Variants in ERI3 observed in about 807,000 individuals in gnomAD.
ERI3 encodes ERI1 exoribonuclease family member 3, also known as ERI1 exoribonuclease 3.
In ERI3, 18 loss-of-function variants were observed where a neutral mutation model predicts 44.4. The observed-to-expected ratio is 0.41, with a 90% CI of 0.28 to 0.60. ERI3 has a LOEUF of 0.60. Among genes scored for constraint, ERI3 ranks in the 20% least tolerant of loss-of-function variants. The pLI is 0.36. For missense variants in ERI3, 294 were observed against 435.5 expected, an observed-to-expected ratio of 0.68 and a Z score of 2.89; for synonymous variants, 183 against 164.8, an observed-to-expected ratio of 1.11 and a Z score of -0.84.
intron 6 of ERI3, among the ~76,000 whole-genome samples, chr1:44,306,369 G>A (rs1207751174): frequency 6.6e-6 from 1 of 152,208 alleles, no homozygotes; most frequent in Non-Finnish European, 1.5e-5. Flanking sequence ...ATAAAAGAAA[G>A]ACAATACCAC....
chr1:44,228,606 G>A lies in ERI3; in HGVS notation c.932-6966C>T, dbSNP rs530240197. On this transcript the variant is annotated intron_variant, in intron 8 of 8. Transcript: ENST00000372257. This position sits in a 1 kb window ranked among gnomAD's most constrained non-coding sequence, Gnocchi z 4.3. The stretch of plus-strand genomic sequence containing the variant: ...AAATTAAGGCAATCAAACACTTACC[G>A]CCGCTCCTGGAGGCCAGGCATGGAA... Among the ~76,000 whole-genome samples the A allele has an allele frequency of 9.2e-5, 14 of 152,282 alleles. No individual in the cohort carries two copies. The East Asian group carries it at 1.5e-3, about 17-fold the overall frequency.
At chr1:44,236,254 A>G (rs182247126) in intron 8 of ERI3, among the ~76,000 whole-genome samples, 1 of 152,286 alleles carries the variant, frequency 6.6e-6, no homozygotes, top group Non-Finnish European at 1.5e-5. Context: ...CATTTTATTT[A>G]CTATCTGCCT....
chr1:44,275,675 T>C (rs1188081311), intron 7 of ERI3, among the ~76,000 whole-genome samples: 2 of 152,130 alleles, frequency 1.3e-5, no homozygotes, highest in African/African-American at 4.8e-5. Flanking sequence ...CAAGGCATAG[T>C]GTACGGATGG....
rs907173887 is a variant in ERI3 at position 44,355,216 on chromosome 1, A to G, written c.-190T>C. On this transcript the variant is annotated 5_prime_UTR_variant, in exon 1 of 9. Transcript: ENST00000372257. ...CCCACCGCCCGTTCCCGGCCGCCTG[A>G]ACAGCGGCAGCCAGCACCACGAGTC... The G allele has an allele frequency of 8.4e-7, 1 of 1,189,668 alleles. No homozygotes were observed. The allele number at this position is 1,189,668 out of a possible 1,614,324, so 73.7% of individuals were successfully genotyped here.
rs778936296 is a variant in ERI3, at chr1:44,259,920, T to TAGATAGACAGAC, written c.832-11883_832-11882insGTCTGTCTATCT. ...ATAGATAGATAGATAGATAGATAGA[T>TAGATAGACAGAC]AGACAGACAGACAGACAGACAGACA... On this transcript the variant is annotated intron_variant, in intron 7 of 8. Transcript: ENST00000372257. 9.2e-3 allele frequency among the ~76,000 whole-genome samples: 1,190 copies of TAGATAGACAGAC among 129,584 alleles called. 10 individuals are homozygous for TAGATAGACAGAC. The highest frequency in any genetic ancestry group is 0.019 in the African/African-American group (652 of 34,378). The allele number at this position is 129,584 out of a possible 152,430, so 85.0% of individuals were successfully genotyped here.
chr1:44,234,590 C>T (rs1345727385), intron 8 of ERI3, among the ~76,000 whole-genome samples: 5 of 151,738 alleles, frequency 3.3e-5, no homozygotes, highest in Non-Finnish European at 7.4e-5. Flanking sequence ...AAACAGGAGG[C>T]GGAGGTTGCA....
At chr1:44,237,833 G>A (rs1644339424) in intron 8 of ERI3, among the ~76,000 whole-genome samples, 1 of 152,188 alleles carries the variant, frequency 6.6e-6, no homozygotes, top group Non-Finnish European at 1.5e-5. Context: ...TCCATCAGGG[G>A]CTCCCGAAGG....
chr1:44,306,394 G>A (rs1490390288), intron 6 of ERI3, among the ~76,000 whole-genome samples: 3 of 152,326 alleles, frequency 2.0e-5, no homozygotes, highest in Admixed American at 6.5e-5. Context: ...CACCAGAGAC[G>A]GCAGTCAGAA....
At chr1:44,236,662 G>A (rs1396173519) in intron 8 of ERI3, among the ~76,000 whole-genome samples, 1 of 152,114 alleles carries the variant, frequency 6.6e-6, no homozygotes. Context: ...GGCGTGGAGT[G>A]TGGGGAGCAG....
intron 7 of ERI3, among the ~76,000 whole-genome samples, chr1:44,260,159 C>A (rs1259849330): frequency 6.6e-6 from 1 of 152,224 alleles, no homozygotes; most frequent in South Asian, 2.1e-4. Flanking sequence ...TGTAGACCTG[C>A]GCTCAAAGAA....
intron 1 of ERI3, chr1:44,353,948 T>C (rs1406270948): frequency 6.1e-6 from 6 of 985,248 alleles, no homozygotes; most frequent in East Asian, 1.1e-4. Context: ...AGACACACAT[T>C]AGTGGAGTCA....
chr1:44,303,829 G>A (rs1645777476), intron 6 of ERI3, among the ~76,000 whole-genome samples: 1 of 152,170 alleles, frequency 6.6e-6, no homozygotes, highest in African/African-American at 2.4e-5. Flanking sequence ...GCAATTAGGA[G>A]AATGGAATAG....
intron 4 of ERI3, among the ~76,000 whole-genome samples, chr1:44,315,999 T>A (rs1572261321): frequency 7.3e-6 from 1 of 136,128 alleles, no homozygotes; most frequent in Non-Finnish European, 1.6e-5. Context: ...TTTTTTTTTT[T>A]AAGTAAAAAT....
chr1:44,334,260 C>A (rs1173924400), intron 3 of ERI3, among the ~76,000 whole-genome samples: 1 of 152,206 alleles, frequency 6.6e-6, no homozygotes, highest in Non-Finnish European at 1.5e-5. Context: ...CTTACATTTG[C>A]TTTGGTCTCT....
At chr1:44,352,790 C>T in intron 2 of ERI3, 60 bp downstream of exon 2, 3 of 1,600,774 alleles carry the variant, frequency 1.9e-6, no homozygotes, top group Non-Finnish European at 1.7e-6. Flanking sequence ...CCCCTACCCT[C>T]CAAGCCCAAA....
At chr1:44,275,694 A>G (rs1264361388) in intron 7 of ERI3, among the ~76,000 whole-genome samples, 2 of 152,112 alleles carry the variant, frequency 1.3e-5, no homozygotes, top group Non-Finnish European at 2.9e-5. Flanking sequence ...GGCAGAGGAA[A>G]AGTGGAGCAG....
chr1:44,353,722 A>G, intron 1 of ERI3: 7 of 985,464 alleles, frequency 7.1e-6, no homozygotes, highest in Non-Finnish European at 8.4e-6. Context: ...GCCAAGCTCT[A>G]TGACCTAGCT....
At chr1:44,254,209 G>T (rs1644738122) in intron 7 of ERI3, among the ~76,000 whole-genome samples, 1 of 151,966 alleles carries the variant, frequency 6.6e-6, no homozygotes, top group African/African-American at 2.4e-5. Flanking sequence ...TTGACTCCCT[G>T]TGCTCTAATG....
chr1:44,304,165 AGCTGGATAC>A (rs1645784130), intron 6 of ERI3, among the ~76,000 whole-genome samples: 2 of 152,152 alleles, frequency 1.3e-5, no homozygotes, highest in Non-Finnish European at 2.9e-5. Context: ...TAGAGTAGGT[AGCTGGATAC>A]GCAGGTGTGG....
Sources: allele counts gnomAD v4.1 joint callset (sites outside exome capture counted in the v4.1 genomes callset), GRCh38; gene constraint gnomAD v4.1.1; non-coding constraint Gnocchi (gnomAD v3.1); transcripts MANE v1.5; gene names NCBI Gene and HGNC (gene_info 2026-07-23, HGNC 2026-07-21).